OR2L13: variants seen among roughly 807,000 people sequenced by gnomAD.
OR2L13 encodes the protein olfactory receptor family 2 subfamily L member 13.
A neutral mutation model predicts 15.3 loss-of-function variants in OR2L13; 14 were observed. That is an observed-to-expected ratio of 0.91 (90% confidence interval 0.60 to 1.43). The LOEUF is 1.43. OR2L13 is among the 40% of genes most tolerant of loss of function. The probability of loss-of-function intolerance (pLI) is 0.00; values close to 1 mark genes in which losing one functional copy is unlikely to be tolerated. For missense variants in OR2L13, 367 were observed against 387.9 expected (o/e 0.95, Z 0.45); for synonymous variants, 152 against 142.9 (o/e 1.06, Z -0.45).
chr1:248,083,985 A>G, the OR2L13 span: 2 of 1,611,700 alleles, frequency 1.2e-6, no homozygotes, highest in South Asian at 2.2e-5. Context: ...GACCAGGAGC[A>G]TTAACACACA....
the OR2L13 span, among the ~76,000 whole-genome samples, chr1:247,987,089 A>G: frequency 6.7e-6 from 1 of 150,174 alleles, no homozygotes; most frequent in East Asian, 2.0e-4. Context: ...AATCTCTTTC[A>G]GATTGTTTGT....
the OR2L13 span, among the ~76,000 whole-genome samples, chr1:248,036,188 A>G: frequency 6.6e-6 from 1 of 152,054 alleles, no homozygotes; most frequent in Non-Finnish European, 1.5e-5. Flanking sequence ...GCCTGTAAGT[A>G]TATGTTGGTC....
the OR2L13 span, among the ~76,000 whole-genome samples, chr1:247,957,918 A>G: frequency 6.6e-6 from 1 of 151,988 alleles, no homozygotes; most frequent in Admixed American, 6.6e-5. Flanking sequence ...GATTTTTTGA[A>G]GGGTTTTTGT....
chr1:248,079,061 G>A, the OR2L13 span, among the ~76,000 whole-genome samples: 2 of 152,012 alleles, frequency 1.3e-5, no homozygotes, highest in South Asian at 2.1e-4. Context: ...TGATTGGGGC[G>A]AAGGTTACAT....
chr1:248,038,964 A>C, the OR2L13 span: 5 of 1,613,962 alleles, frequency 3.1e-6, no homozygotes, highest in African/African-American at 1.3e-5. Context: ...TGCAGAAGGG[A>C]GGAAGAAGGC....
chr1:248,001,202 G>A, the OR2L13 span, among the ~76,000 whole-genome samples: 6 of 151,994 alleles, frequency 3.9e-5, no homozygotes, highest in South Asian at 2.1e-4. Context: ...TGTCAGTGGC[G>A]ATACCAATCT....
At chr1:248,060,040 C>CA in the OR2L13 span, among the ~76,000 whole-genome samples, 864 of 129,030 alleles carry the variant, frequency 6.7e-3, 12 homozygotes, top group African/African-American at 0.018. Flanking sequence ...CCCTGTCACT[C>CA]AAAAAAAAAA....
chr1:247,967,354 A>T, the OR2L13 span, among the ~76,000 whole-genome samples: 2 of 151,678 alleles, frequency 1.3e-5, no homozygotes, highest in Non-Finnish European at 2.9e-5. Flanking sequence ...TCAGGCTCCC[A>T]AATAGTTGAG....
chr1:247,983,327 C>T, the OR2L13 span, among the ~76,000 whole-genome samples: 8 of 152,120 alleles, frequency 5.3e-5, no homozygotes, highest in African/African-American at 1.7e-4. Context: ...TCATGCCAGA[C>T]GTCGCCCGGG....
the OR2L13 span, among the ~76,000 whole-genome samples, chr1:247,971,219 CTTTT>C: frequency 6.6e-6 from 1 of 151,692 alleles, no homozygotes; most frequent in Non-Finnish European, 1.5e-5. Context: ...TTTTACTTTG[CTTTT>C]TTTTAGTCTG....
chr1:247,969,577 C>T, the OR2L13 span, among the ~76,000 whole-genome samples: 1 of 152,192 alleles, frequency 6.6e-6, no homozygotes, highest in African/African-American at 2.4e-5. Context: ...TAGTTTAAAG[C>T]AGACCTCACT....
chr1:248,074,441 A>G, the OR2L13 span, among the ~76,000 whole-genome samples: 5 of 152,206 alleles, frequency 3.3e-5, no homozygotes, highest in Non-Finnish European at 5.9e-5. Context: ...CTATACCTAG[A>G]AAACCCCAAA....
At chr1:248,025,464 G>A in the OR2L13 span, among the ~76,000 whole-genome samples, 1 of 149,142 alleles carries the variant, frequency 6.7e-6, no homozygotes, top group Non-Finnish European at 1.5e-5. Context: ...TGCTGGAGAG[G>A]ATGTGGAGAA....
At chr1:248,051,956 C>T in the OR2L13 span, among the ~76,000 whole-genome samples, 46 of 151,998 alleles carry the variant, frequency 3.0e-4, no homozygotes, top group Admixed American at 1.3e-4. Flanking sequence ...TGAGGAATAC[C>T]TGGACATATG....
At chr1:247,947,662 G>A in the OR2L13 span, among the ~76,000 whole-genome samples, 1 of 152,116 alleles carries the variant, frequency 6.6e-6, no homozygotes, top group African/African-American at 2.4e-5. Context: ...TTTGGTAAGG[G>A]GTCTGCTTTA....
chr1:247,953,088 C>A, the OR2L13 span, among the ~76,000 whole-genome samples: 1 of 152,122 alleles, frequency 6.6e-6, no homozygotes, highest in African/African-American at 2.4e-5. Flanking sequence ...AGAAGAACAA[C>A]AGAAAAAGAA....
At chr1:247,994,542 A>C in the OR2L13 span, among the ~76,000 whole-genome samples, 55 of 152,304 alleles carry the variant, frequency 3.6e-4, no homozygotes, top group African/African-American at 1.2e-3. Context: ...GATCTTACTT[A>C]TATTTTGGGT....
At chr1:247,983,701 T>C in the OR2L13 span, among the ~76,000 whole-genome samples, 1 of 152,168 alleles carries the variant, frequency 6.6e-6, no homozygotes, top group Non-Finnish European at 1.5e-5. Flanking sequence ...ACGTGAATAA[T>C]CAAAGAGACA....
chr1:247,984,108 C>T, the OR2L13 span, among the ~76,000 whole-genome samples: 1 of 152,164 alleles, frequency 6.6e-6, no homozygotes, highest in Non-Finnish European at 1.5e-5. Flanking sequence ...TCTAGAACTT[C>T]TAAGTAAACA....
Sources: allele counts gnomAD v4.1 joint callset (sites outside exome capture counted in the v4.1 genomes callset), GRCh38; gene constraint gnomAD v4.1.1; transcripts MANE v1.5; gene names NCBI Gene and HGNC (gene_info 2026-07-23, HGNC 2026-07-21).